ROBO2: variants seen among roughly 807,000 people sequenced by gnomAD.
ROBO2 encodes roundabout guidance receptor 2.
In ROBO2, 53 loss-of-function variants were observed where a neutral mutation model predicts 160.8. The observed-to-expected ratio is 0.33, with a 90% CI of 0.26 to 0.41. ROBO2 has a LOEUF of 0.41. Ranked by LOEUF, ROBO2 falls within the 10% of genes least tolerant of loss-of-function variation. The pLI, the probability that ROBO2 is intolerant of heterozygous loss-of-function variation, is 1.00. For missense variants in ROBO2, 1,577 were observed against 1,722.4 expected (o/e 0.92, Z 1.49); for synonymous variants, 664 against 611.7 (o/e 1.09, Z -1.26).
chr3:77,610,937 G>A (rs1158977331), intron 21 of ROBO2, among the ~76,000 whole-genome samples: 1 of 151,546 alleles, frequency 6.6e-6, no homozygotes. Flanking sequence ...TCCTCATATT[G>A]CACTTAACTG....
rs958917905 is a variant in ROBO2 at position 76,266,930 on chromosome 3, G to A, written c.109+329328G>A. Among the ~76,000 whole-genome samples, 12 of 152,104 alleles carry A rather than the reference G, an allele frequency of 7.9e-5. 1 individual carries two copies. The highest frequency in any genetic ancestry group is 6.5e-4 in the Admixed American group (10 of 15,270). On this transcript the variant is annotated intron_variant, in intron 2 of 26. Coordinates refer to the ROBO2 transcript ENST00000487694. ...ACTCTAATCCTTAGGAAATAGCTGT[G>A]CATTCAATTAGATATTTTAAAAATC...
intron 2 of ROBO2, among the ~76,000 whole-genome samples, chr3:76,022,283 T>C (rs1471232959): frequency 6.6e-6 from 1 of 151,780 alleles, no homozygotes; most frequent in Non-Finnish European, 1.5e-5. Flanking sequence ...AGAGTTGGAC[T>C]CAACTTCTTC....
At chr3:76,877,505 T>C (rs570914756) in intron 2 of ROBO2, among the ~76,000 whole-genome samples, 2 of 152,276 alleles carry the variant, frequency 1.3e-5, no homozygotes, top group East Asian at 1.9e-4. Flanking sequence ...AACCCAGTAG[T>C]TGATACACAG....
chr3:76,602,214 T>C (rs552350051), intron 2 of ROBO2, among the ~76,000 whole-genome samples: 1 of 152,304 alleles, frequency 6.6e-6, no homozygotes, highest in East Asian at 1.9e-4. Flanking sequence ...TTTTCTGTCT[T>C]CTTCTGAGAC....
At chr3:77,062,189 T>C (rs768021532) in intron 1 of ROBO2, among the ~76,000 whole-genome samples, 61 of 152,270 alleles carry the variant, frequency 4.0e-4, no homozygotes, top group Admixed American at 9.2e-4. Flanking sequence ...ATTATATTTG[T>C]TAAGATTCAC....
chr3:77,117,108 A>G (rs1434923510), intron 2 of ROBO2, among the ~76,000 whole-genome samples: 1 of 152,250 alleles, frequency 6.6e-6, no homozygotes, highest in African/African-American at 2.4e-5. Flanking sequence ...AGGCTGGAAT[A>G]AGAACTGACT....
At chr3:76,859,555 C>T (rs1264979670) in intron 2 of ROBO2, among the ~76,000 whole-genome samples, 1 of 152,184 alleles carries the variant, frequency 6.6e-6, no homozygotes, top group Non-Finnish European at 1.5e-5. Context: ...CTTTCCCTTT[C>T]TGTTGTCACG....
At chr3:76,145,592 A>G (rs958495860) in intron 2 of ROBO2, among the ~76,000 whole-genome samples, 5 of 152,076 alleles carry the variant, frequency 3.3e-5, no homozygotes, top group Admixed American at 1.3e-4. Context: ...TATACATTAA[A>G]CAAGTAGGAT....
intron 2 of ROBO2, among the ~76,000 whole-genome samples, chr3:77,293,385 T>C (rs1362684401): frequency 7.8e-6 from 1 of 128,526 alleles, no homozygotes; most frequent in Non-Finnish European, 1.7e-5. Flanking sequence ...TGAGGCTAGA[T>C]CACCCCAGAC....
chr3:77,388,795 C>G (rs921079925), intron 2 of ROBO2, among the ~76,000 whole-genome samples: 1 of 152,050 alleles, frequency 6.6e-6, no homozygotes, highest in East Asian at 1.9e-4. Flanking sequence ...CCTTAATACA[C>G]CAATAAAATC....
chr3:76,399,232 A>T (rs1265982531), intron 2 of ROBO2, among the ~76,000 whole-genome samples: 1 of 151,726 alleles, frequency 6.6e-6, no homozygotes, highest in African/African-American at 2.4e-5. Context: ...GGTAGTAAAT[A>T]AGATAAGTAG....
chr3:76,583,977 A>G (rs2085866642), intron 2 of ROBO2, among the ~76,000 whole-genome samples: 1 of 152,154 alleles, frequency 6.6e-6, no homozygotes, highest in African/African-American at 2.4e-5. Context: ...TGTAAAAACC[A>G]CCTGAACACA....
intron 2 of ROBO2, among the ~76,000 whole-genome samples, chr3:76,092,725 C>G (rs938321014): frequency 6.6e-6 from 1 of 152,018 alleles, no homozygotes; most frequent in African/African-American, 2.4e-5. Context: ...AGTGACACAC[C>G]CTTTATTTAA....
intron 2 of ROBO2, among the ~76,000 whole-genome samples, chr3:76,302,609 C>T (rs1709418417): frequency 1.3e-5 from 2 of 152,092 alleles, no homozygotes; most frequent in Non-Finnish European, 2.9e-5. Context: ...TTTTCCTCTA[C>T]TCTTTATATT....
At chr3:76,784,209 A>G (rs990099814) in intron 2 of ROBO2, among the ~76,000 whole-genome samples, 6 of 151,122 alleles carry the variant, frequency 4.0e-5, no homozygotes, top group African/African-American at 1.2e-4. Flanking sequence ...CTTTCTTCAC[A>G]TTTGAAAAAC....
Position 76,766,775 on chromosome 3 carries a change from G to A in ROBO2, c.110-331239G>A, listed in dbSNP as rs182717909. On this transcript the variant is annotated intron_variant, in intron 2 of 26. Coordinates refer to the ROBO2 transcript ENST00000487694. ...AATGGATAATGGAACAATAGCTAACGATTTACCATAAATCACTGTTAATAT... is the reference window on the plus strand; with the variant it reads ...AATGGATAATGGAACAATAGCTAACAATTTACCATAAATCACTGTTAATAT... Among the ~76,000 whole-genome samples the A allele has an allele frequency of 3.4e-4, 52 of 151,522 alleles. 1 individual carries two copies. Among genetic ancestry groups the A allele is most frequent in the Middle Eastern group, 3.4e-3 (1 of 294 alleles).
At position 76,186,850 on chromosome 3, in the gene ROBO2, T is replaced by C. The variant is rs147649524; in HGVS notation, c.109+249248T>C. 3.4e-3 allele frequency among the ~76,000 whole-genome samples: 512 copies of C among 152,218 alleles called. 1 individual carries two copies. Among genetic ancestry groups the C allele is most frequent in the Non-Finnish European group, 5.0e-3 (342 of 68,008 alleles). On this transcript the variant is annotated intron_variant, in intron 2 of 26. Transcript: ENST00000487694. ...TCTTCAAAGTCATTAACAACCACCA[T>C]GTTGCCAAGTCCAGTTTATTCTCAC... is the stretch of plus-strand genomic sequence containing the variant.
intron 2 of ROBO2, among the ~76,000 whole-genome samples, chr3:77,244,526 C>T (rs1384297827): frequency 6.6e-6 from 1 of 152,042 alleles, no homozygotes; most frequent in Non-Finnish European, 1.5e-5. Flanking sequence ...AGTGAGAGAT[C>T]CTTCATATAT....
At chr3:75,959,424 G>T (rs1440812830) in intron 2 of ROBO2, among the ~76,000 whole-genome samples, 1 of 151,684 alleles carries the variant, frequency 6.6e-6, no homozygotes, top group Non-Finnish European at 1.5e-5. Flanking sequence ...GTTAAAAAAG[G>T]GTTGAGCAGG....
Sources: gnomAD v4.1 joint callset for allele counts (sites outside exome capture counted in the v4.1 genomes callset) on GRCh38, gnomAD v4.1.1 for gene constraint, MANE v1.5 for transcripts, NCBI Gene and HGNC (gene_info 2026-07-23, HGNC 2026-07-21) for gene names.